Variants in SAMTOR observed in about 807,000 individuals in gnomAD.
SAMTOR encodes the protein S-adenosylmethionine sensor upstream of mTORC1.
the SAMTOR span, among the ~76,000 whole-genome samples, chr7:112,856,310 C>T: frequency 8.2e-4 from 123 of 149,492 alleles, 1 homozygote; most frequent in Middle Eastern, 3.5e-3. Flanking sequence ...GGTGCAGTGG[C>T]GTGATTTTGG....
At chr7:112,837,092 T>C in the SAMTOR span, among the ~76,000 whole-genome samples, 3 of 152,190 alleles carry the variant, frequency 2.0e-5, no homozygotes, top group Non-Finnish European at 2.9e-5. Context: ...TGTTTTCCAT[T>C]TGTTTGTGTC....
At chr7:112,887,773 G>GA in the SAMTOR span, among the ~76,000 whole-genome samples, 1 of 152,048 alleles carries the variant, frequency 6.6e-6, no homozygotes, top group African/African-American at 2.4e-5. Flanking sequence ...ACTATTGATG[G>GA]AATCAGTAAT....
the SAMTOR span, among the ~76,000 whole-genome samples, chr7:112,916,686 T>G: frequency 1.3e-5 from 2 of 152,124 alleles, no homozygotes; most frequent in African/African-American, 4.8e-5. Context: ...TTCCCTTTCC[T>G]AGTCAAAGAA....
chr7:112,833,232 AGAGT>A, the SAMTOR span, among the ~76,000 whole-genome samples: 1 of 152,228 alleles, frequency 6.6e-6, no homozygotes, highest in Non-Finnish European at 1.5e-5. Flanking sequence ...CTCTACACTC[AGAGT>A]GAGAGTAAAA....
At chr7:112,923,434 G>C in the SAMTOR span, among the ~76,000 whole-genome samples, 1 of 151,740 alleles carries the variant, frequency 6.6e-6, no homozygotes. Flanking sequence ...CTATGACCCT[G>C]CCAAATCCCC....
chr7:112,883,876 A>G, the SAMTOR span, among the ~76,000 whole-genome samples: 1 of 152,308 alleles, frequency 6.6e-6, no homozygotes, highest in African/African-American at 2.4e-5. Context: ...CACTAATACA[A>G]TGGTGTATTA....
the SAMTOR span, among the ~76,000 whole-genome samples, chr7:112,922,902 G>A: frequency 7.8e-5 from 5 of 63,856 alleles, no homozygotes; most frequent in East Asian, 1.4e-3. Flanking sequence ...CCCCCCCCCC[G>A]GGCCAGCCGC....
chr7:112,826,347 T>C, the SAMTOR span, among the ~76,000 whole-genome samples: 1 of 152,182 alleles, frequency 6.6e-6, no homozygotes, highest in Non-Finnish European at 1.5e-5. Flanking sequence ...ATTTCTTCAA[T>C]AGATTTAGGG....
chr7:112,899,621 C>A, the SAMTOR span, among the ~76,000 whole-genome samples: 11 of 151,882 alleles, frequency 7.2e-5, no homozygotes, highest in South Asian at 2.1e-4. Context: ...ACCTTCAAGG[C>A]ATAAAATCAA....
chr7:112,894,889 TTGTAAAAAA>T, the SAMTOR span, among the ~76,000 whole-genome samples: 1 of 152,174 alleles, frequency 6.6e-6, no homozygotes, highest in Non-Finnish European at 1.5e-5. Context: ...AACCTTCAAT[TTGTAAAAAA>T]TGTAATATCT....
the SAMTOR span, among the ~76,000 whole-genome samples, chr7:112,872,664 A>G: frequency 6.6e-6 from 1 of 152,122 alleles, no homozygotes; most frequent in Non-Finnish European, 1.5e-5. Context: ...AAGGCATCCA[A>G]ATAGGAAGAG....
At chr7:112,899,726 C>T in the SAMTOR span, among the ~76,000 whole-genome samples, 2 of 142,386 alleles carry the variant, frequency 1.4e-5, no homozygotes, top group Admixed American at 1.5e-4. Context: ...TCTGGCAGCA[C>T]ACTTCTCAGT....
chr7:112,903,984 A>C, the SAMTOR span, among the ~76,000 whole-genome samples: 1 of 152,132 alleles, frequency 6.6e-6, no homozygotes, highest in African/African-American at 2.4e-5. Flanking sequence ...CGGGTACTTT[A>C]AAATGCTAAA....
At chr7:112,851,053 C>G in the SAMTOR span, among the ~76,000 whole-genome samples, 1 of 151,930 alleles carries the variant, frequency 6.6e-6, no homozygotes, top group Non-Finnish European at 1.5e-5. Context: ...TACAAAACAC[C>G]GATGAAAGAA....
At chr7:112,861,246 G>T in the SAMTOR span, among the ~76,000 whole-genome samples, 1 of 152,056 alleles carries the variant, frequency 6.6e-6, no homozygotes, top group Non-Finnish European at 1.5e-5. Flanking sequence ...TTTGTGGTAG[G>T]ACATGTTTCT....
At chr7:112,917,117 G>C in the SAMTOR span, among the ~76,000 whole-genome samples, 1 of 152,234 alleles carries the variant, frequency 6.6e-6, no homozygotes, top group South Asian at 2.1e-4. Flanking sequence ...CCAGCACGCA[G>C]CTGGAGATCT....
chr7:112,887,269 C>T, the SAMTOR span, among the ~76,000 whole-genome samples: 1 of 150,618 alleles, frequency 6.6e-6, no homozygotes. Context: ...ATAAATTCTC[C>T]AATGTCCTAC....
the SAMTOR span, chr7:112,895,796 C>T: frequency 4.2e-5 from 52 of 1,249,154 alleles, no homozygotes; most frequent in Middle Eastern, 4.2e-4. Flanking sequence ...CAAAATAAGA[C>T]GGAAAAAATT....
chr7:112,897,779 C>G, the SAMTOR span, among the ~76,000 whole-genome samples: 2 of 152,164 alleles, frequency 1.3e-5, no homozygotes, highest in Non-Finnish European at 2.9e-5. Flanking sequence ...CAAACAGAAT[C>G]TTCCAGCAAT....
Sources: gnomAD v4.1 joint callset for allele counts (sites outside exome capture counted in the v4.1 genomes callset) on GRCh38, gnomAD v4.1.1 for gene constraint, MANE v1.5 for transcripts, NCBI Gene and HGNC (gene_info 2026-07-23, HGNC 2026-07-21) for gene names.